The following GPR157 variants were observed in gnomAD, a reference collection of about 807,000 sequenced individuals.
GPR157 encodes G protein-coupled receptor 157, also known as G-protein coupled receptor 157.
Under a neutral mutation model 23.5 loss-of-function variants are expected in GPR157, and 16 were observed. That is an observed-to-expected ratio of 0.68 (90% CI 0.46 to 1.04). The LOEUF (loss-of-function observed/expected upper bound fraction) is 1.04, where lower values mean the gene tolerates loss of function less well. Among genes scored for constraint, GPR157 ranks in the 50% least tolerant of loss-of-function variants. The pLI, the probability that GPR157 is intolerant of heterozygous loss-of-function variation, is 0.00. For synonymous variants in GPR157, 200 were observed against 221.5 expected (o/e 0.90, Z 0.86); for missense variants, 440 against 460.7 (o/e 0.96, Z 0.41).
chr1:9,108,257 CCCTCCTCCT>C (rs201867471), intron 2 of GPR157, among the ~76,000 whole-genome samples: 2 of 151,624 alleles, frequency 1.3e-5, no homozygotes, highest in African/African-American at 4.8e-5. Flanking sequence ...CTCAGAGCCG[CCCTCCTCCT>C]CCTCCTCCTC....
At chr1:9,109,652 C>G (rs1048926285) in intron 2 of GPR157, among the ~76,000 whole-genome samples, 16 of 152,160 alleles carry the variant, frequency 1.1e-4, no homozygotes, top group African/African-American at 3.9e-4. Flanking sequence ...CCTCGGCCCC[C>G]CAAACTGCTG....
At chr1:9,106,767 C>T (rs1280813819) in intron 2 of GPR157, among the ~76,000 whole-genome samples, 1 of 152,124 alleles carries the variant, frequency 6.6e-6, no homozygotes, top group Admixed American at 6.5e-5. Flanking sequence ...AGTTCGAGAC[C>T]AGACTGGCCA....
intron 1 of GPR157, among the ~76,000 whole-genome samples, chr1:9,123,318 AAAATATATATATTTAATTTAAAT>A (rs1638859158): frequency 8.4e-5 from 2 of 23,830 alleles, no homozygotes; most frequent in East Asian, 5.2e-4. Context: ...AATATATATT[AAAATATATATATTTAATTTAAAT>A]ATATATATTT....
At chr1:9,119,846 C>T (rs1358692125) in intron 1 of GPR157, among the ~76,000 whole-genome samples, 2 of 152,108 alleles carry the variant, frequency 1.3e-5, no homozygotes, top group Admixed American at 6.6e-5. Flanking sequence ...GAAGTACTGC[C>T]GGGGATTAGC....
Position 9,106,676 on chromosome 1 carries a change from C to T in GPR157, c.598-996G>A, listed in dbSNP as rs956213841. On this transcript the variant is annotated intron_variant, in intron 2 of 3. Coordinates refer to ENST00000377411, the MANE Select transcript of GPR157 (RefSeq NM_024980.5). ...AGGCCCGACACCCCTATTTAAACTG[C>T]ACAGAGGCCGGGTGCAAAGGCTCAT... 2.6e-5 allele frequency among the ~76,000 whole-genome samples: 4 copies of T among 152,190 alleles called. No homozygotes were observed. The East Asian group carries it at 7.7e-4, about 29-fold the overall frequency.
At chr1:9,122,409 G>A (rs1320578220) in intron 1 of GPR157, among the ~76,000 whole-genome samples, 2 of 152,302 alleles carry the variant, frequency 1.3e-5, no homozygotes, top group African/African-American at 2.4e-5. Context: ...GAAACGCTTG[G>A]GTGAAAGCTG....
intron 2 of GPR157, among the ~76,000 whole-genome samples, chr1:9,106,208 C>T (rs1569948396): frequency 6.6e-6 from 1 of 152,192 alleles, no homozygotes. Context: ...CGACCTCTAA[C>T]TTCAAAACAG....
intron 1 of GPR157, among the ~76,000 whole-genome samples, chr1:9,123,394 AAT>A (rs369014433): frequency 7.4e-5 from 2 of 26,888 alleles, no homozygotes; most frequent in African/African-American, 2.3e-4. Context: ...ATTTAATTTA[AAT>A]ATATATTTAA....
chr1:9,105,286 G>A lies in GPR157; in HGVS notation c.792+200C>T, dbSNP rs1483595829. 6.6e-6 allele frequency among the ~76,000 whole-genome samples: 1 copy of A among 152,072 alleles called. No homozygotes were observed. Among genetic ancestry groups the A allele is most frequent in the Non-Finnish European group, 1.5e-5 (1 of 68,010 alleles). On this transcript the variant is annotated intron_variant, in intron 3 of 3. Transcript: ENST00000377411. The surrounding 1 kb of genome is among the most constrained non-coding windows in gnomAD (Gnocchi z 4.8). ...CACTGGTGAGCACCTCACCACCCCG[G>A]ACCACACTGATCCCACTCTGCCTTC...
chr1:9,104,291 C>A lies in GPR157; in HGVS notation c.*128G>T. On this transcript the variant is annotated 3_prime_UTR_variant, in exon 4 of 4. Coordinates refer to ENST00000377411, the MANE Select transcript of GPR157 (RefSeq NM_024980.5). The stretch of plus-strand genomic sequence containing the variant: ...GTTGGCAGCTGCTCTCCCAATGGAG[C>A]CGAGAGCATCAATAGCGGGGGCTTC... The A allele has an allele frequency of 1.5e-6, 1 of 678,568 alleles. No homozygotes were observed. Among genetic ancestry groups the A allele is most frequent in the Non-Finnish European group, 2.5e-6 (1 of 396,716 alleles). The allele number at this position is 678,568 out of a possible 1,614,324, so 42.0% of individuals were successfully genotyped here.
rs1642580712 is a variant in GPR157, at chr1:9,102,661, A to C, written c.*1758T>G. ...CCAAGGGAAATCACCTATCAGGTAA[A>C]GCTGTACTTTCTCTCACCAAGACCC... On this transcript the variant is annotated 3_prime_UTR_variant, in exon 4 of 4. Transcript: ENST00000377411. The C allele has an allele frequency of 6.6e-6, 1 of 152,126 alleles. No homozygotes were observed. Among genetic ancestry groups the C allele is most frequent in the African/African-American group, 2.4e-5 (1 of 41,430 alleles). The allele number at this position is 152,126 out of a possible 1,614,324, so 9.4% of individuals were successfully genotyped here.
In GPR157 at chr1:9,128,830, G is replaced by C; in HGVS notation, c.198C>G (p.Tyr66Ter). 1 of 1,607,168 alleles carries C rather than the reference G, an allele frequency of 6.2e-7. No homozygotes were observed. The highest frequency in any genetic ancestry group is 8.5e-7 in the Non-Finnish European group (1 of 1,177,332). ...ADLLSAASYF[Y>*]GVLQNFAGPS... ...GGCCCGCGAAGTTCTGCAGCACTCC[G>C]TAGAAGTAGGAGGCGGCCGAGAGCA... The change falls in exon 1 of 4, where the codon TAC becomes TAG. Residue 66 changes from tyrosine to a stop codon, truncating the protein, a stop_gained. Coordinates refer to ENST00000377411, the MANE Select transcript of GPR157 (RefSeq NM_024980.5). LOFTEE classifies it high-confidence loss of function. The surrounding 1 kb of genome is among the most constrained non-coding windows in gnomAD (Gnocchi z 6.3).
chr1:9,125,656 A>G (rs575938308), intron 1 of GPR157, among the ~76,000 whole-genome samples: 8 of 152,198 alleles, frequency 5.3e-5, no homozygotes, highest in Non-Finnish European at 1.2e-4. Context: ...GACTTACAGA[A>G]TTCAAAACCA....
intron 2 of GPR157, among the ~76,000 whole-genome samples, chr1:9,106,921 G>A (rs903534197): frequency 3.9e-5 from 6 of 152,108 alleles, no homozygotes; most frequent in Non-Finnish European, 7.3e-5. Context: ...CCAAGATCGC[G>A]CCACTGCACT....
intron 1 of GPR157, among the ~76,000 whole-genome samples, chr1:9,112,758 TCA>T (rs1638541700): frequency 6.6e-6 from 1 of 152,140 alleles, no homozygotes; most frequent in South Asian, 2.1e-4. Context: ...CAGCCCAGGC[TCA>T]GTTTTCTAGA....
At chr1:9,126,365 C>T (rs1638963417) in intron 1 of GPR157, among the ~76,000 whole-genome samples, 1 of 152,134 alleles carries the variant, frequency 6.6e-6, no homozygotes, top group African/African-American at 2.4e-5. Flanking sequence ...TTTTCAACTG[C>T]TGTTACTATT....
intron 1 of GPR157, among the ~76,000 whole-genome samples, chr1:9,117,040 C>CT (rs1453225234): frequency 6.6e-6 from 1 of 152,050 alleles, no homozygotes; most frequent in Non-Finnish European, 1.5e-5. Flanking sequence ...CATGCCCAGT[C>CT]TATTATTTTT....
chr1:9,123,751 T>G (rs1638903207), intron 1 of GPR157, among the ~76,000 whole-genome samples: 1 of 129,972 alleles, frequency 7.7e-6, no homozygotes, highest in Non-Finnish European at 1.6e-5. Context: ...TAATATTATA[T>G]ATTTAATATT....
chr1:9,123,505 C>CA (rs1385738680), intron 1 of GPR157, among the ~76,000 whole-genome samples: 4 of 29,338 alleles, frequency 1.4e-4, no homozygotes, highest in African/African-American at 1.0e-3. Flanking sequence ...ATTATATATT[C>CA]AAAATATATA....
Sources: allele counts gnomAD v4.1 joint callset (sites outside exome capture counted in the v4.1 genomes callset), GRCh38; gene constraint gnomAD v4.1.1; non-coding constraint Gnocchi (gnomAD v3.1); transcripts MANE v1.5; gene names NCBI Gene and HGNC (gene_info 2026-07-23, HGNC 2026-07-21).